HS3ST4: variants seen among roughly 807,000 people sequenced by gnomAD.
HS3ST4 encodes the protein heparan sulfate-glucosamine 3-sulfotransferase 4, also known as heparan sulfate glucosamine 3-O-sulfotransferase 4.
HS3ST4 carries 17 observed loss-of-function variants against 29.2 expected under a neutral mutation model. The observed-to-expected ratio is 0.58, with a 90% confidence interval of 0.40 to 0.87. The LOEUF (loss-of-function observed/expected upper bound fraction) is 0.87. HS3ST4 is among the 40% of genes least tolerant of loss of function. The pLI, the probability that HS3ST4 is intolerant of heterozygous loss-of-function variation, is 0.00. For missense variants in HS3ST4, 627 were observed against 634.5 expected (o/e 0.99, Z 0.13); for synonymous variants, 314 against 285.7 (o/e 1.10, Z -1.00).
At chr16:25,911,608 G>A (rs1596611564) in intron 1 of HS3ST4, among the ~76,000 whole-genome samples, 1 of 144,784 alleles carries the variant, frequency 6.9e-6, no homozygotes, top group Non-Finnish European at 1.5e-5. Flanking sequence ...CTGGGCTCAA[G>A]TGATCCTCCT....
intron 1 of HS3ST4, among the ~76,000 whole-genome samples, chr16:26,102,673 G>A (rs958137138): frequency 3.9e-5 from 6 of 152,140 alleles, no homozygotes; most frequent in South Asian, 2.1e-4. Flanking sequence ...ATAATGTTAC[G>A]TGATTTACTT....
intron 1 of HS3ST4, among the ~76,000 whole-genome samples, chr16:25,992,988 G>A (rs1048459072): frequency 3.5e-4 from 54 of 152,182 alleles, no homozygotes; most frequent in African/African-American, 1.1e-3. Context: ...CTTAGGCAGG[G>A]TCTCTGCTTC....
chr16:25,965,713 C>A (rs1452402936), intron 1 of HS3ST4, among the ~76,000 whole-genome samples: 3 of 152,206 alleles, frequency 2.0e-5, no homozygotes, highest in Admixed American at 2.0e-4. Context: ...GTTCACCTAT[C>A]TGTACTGAGT....
chr16:25,925,231 G>A (rs1321199725), intron 1 of HS3ST4, among the ~76,000 whole-genome samples: 2 of 151,218 alleles, frequency 1.3e-5, no homozygotes, highest in Non-Finnish European at 2.9e-5. Context: ...TCTGTAAAGA[G>A]CTCCTCTGAT....
intron 1 of HS3ST4, among the ~76,000 whole-genome samples, chr16:26,084,204 T>A (rs1898758145): frequency 6.6e-6 from 1 of 152,106 alleles, no homozygotes; most frequent in South Asian, 2.1e-4. Context: ...TGTCTATGAG[T>A]GGTTATTACA....
intron 1 of HS3ST4, among the ~76,000 whole-genome samples, chr16:25,815,523 C>T (rs1432112960): frequency 1.3e-5 from 2 of 152,098 alleles, no homozygotes; most frequent in African/African-American, 4.8e-5. Context: ...GGGATTTCAC[C>T]TTGTTGGCCA....
At chr16:26,015,820 A>T (rs1401021164) in intron 1 of HS3ST4, among the ~76,000 whole-genome samples, 1 of 152,200 alleles carries the variant, frequency 6.6e-6, no homozygotes, top group Non-Finnish European at 1.5e-5. Flanking sequence ...CTTACTTCAC[A>T]AGATGTCTTT....
At chr16:25,852,843 A>G (rs1330835267) in intron 1 of HS3ST4, among the ~76,000 whole-genome samples, 11 of 152,198 alleles carry the variant, frequency 7.2e-5, no homozygotes, top group Non-Finnish European at 1.6e-4. Context: ...TTGAATTTTT[A>G]ACGTTGAAGT....
intron 1 of HS3ST4, among the ~76,000 whole-genome samples, chr16:25,881,260 G>C (rs1186284092): frequency 1.3e-5 from 2 of 151,926 alleles, no homozygotes; most frequent in Non-Finnish European, 2.9e-5. Context: ...GCTTCCTTTT[G>C]GTTTTTGGTC....
At chr16:25,969,086 G>A (rs1468283497) in intron 1 of HS3ST4, among the ~76,000 whole-genome samples, 2 of 152,172 alleles carry the variant, frequency 1.3e-5, no homozygotes, top group African/African-American at 2.4e-5. Flanking sequence ...CCAAAGTGCT[G>A]GGATTACAGG....
intron 1 of HS3ST4, among the ~76,000 whole-genome samples, chr16:26,113,470 A>ATGGGTGTG (rs1899161422): frequency 7.6e-6 from 1 of 132,158 alleles, no homozygotes; most frequent in Non-Finnish European, 1.6e-5. Context: ...ACAATATATG[A>ATGGGTGTG]TGTGTGTGTG....
At chr16:25,908,529 A>G (rs1013958951) in intron 1 of HS3ST4, among the ~76,000 whole-genome samples, 32 of 152,116 alleles carry the variant, frequency 2.1e-4, no homozygotes, top group African/African-American at 7.7e-4. Context: ...ATCTCACCCT[A>G]AAGGTGAGGT....
intron 1 of HS3ST4, among the ~76,000 whole-genome samples, chr16:25,892,168 A>G (rs1318878458): frequency 6.6e-6 from 1 of 152,174 alleles, no homozygotes; most frequent in Non-Finnish European, 1.5e-5. Flanking sequence ...TCTGACCTCA[A>G]AAGAATGTGA....
intron 1 of HS3ST4, among the ~76,000 whole-genome samples, chr16:25,879,085 C>CT (rs1967866125): frequency 6.6e-6 from 1 of 152,192 alleles, no homozygotes; most frequent in South Asian, 2.1e-4. Flanking sequence ...AGGGTTAACT[C>CT]TAACACACTG....
intron 1 of HS3ST4, among the ~76,000 whole-genome samples, chr16:26,123,678 T>C (rs1899305376): frequency 6.6e-6 from 1 of 152,088 alleles, no homozygotes. Context: ...GTCCAAGCCT[T>C]CCCCCAAAGT....
intron 1 of HS3ST4, among the ~76,000 whole-genome samples, chr16:25,819,011 G>A (rs1386015331): frequency 1.3e-5 from 2 of 152,116 alleles, no homozygotes; most frequent in South Asian, 2.1e-4. Flanking sequence ...ATTCTACAGG[G>A]CCTGCATGGA....
chr16:25,775,777 C>G (rs900515906), intron 1 of HS3ST4, among the ~76,000 whole-genome samples: 1 of 152,222 alleles, frequency 6.6e-6, no homozygotes, highest in African/African-American at 2.4e-5. Context: ...GCCTTCTCTT[C>G]TGTCCCTTTC....
chr16:25,922,657 G>T (rs4539603), intron 1 of HS3ST4, among the ~76,000 whole-genome samples: 1 of 152,200 alleles, frequency 6.6e-6, no homozygotes, highest in Admixed American at 6.5e-5. Context: ...CCTGAGTATC[G>T]TTGCCCTTGC....
chr16:26,135,842 G>A lies in HS3ST4; in HGVS notation c.965G>A (p.Gly322Glu), dbSNP rs751193517. Residue 322 changes from glycine to glutamate, a missense_variant, in exon 2 of 2, where the codon GGG becomes GAG. This residue lies in a region of HS3ST4 where 225 missense variants were observed against 293.7 expected (regional missense o/e 0.77). Coordinates refer to ENST00000331351, the MANE Select transcript of HS3ST4 (RefSeq NM_006040.3). ...EVLAFKNRTL[G>E]LIDASWSAIR... is the part of the protein sequence containing the mutation. ...CTGGCCTTCAAAAACCGGACCCTCG[G>A]GCTGATCGATGCTTCCTGGAGTGCC... The A allele has an allele frequency of 6.2e-7, 1 of 1,613,958 alleles. No homozygotes were observed. The highest frequency in any genetic ancestry group is 1.1e-5 in the South Asian group (1 of 91,074).
Sources: allele counts gnomAD v4.1 joint callset (sites outside exome capture counted in the v4.1 genomes callset), GRCh38; gene constraint gnomAD v4.1.1; regional missense constraint gnomAD v4.1.1; transcripts MANE v1.5; gene names NCBI Gene and HGNC (gene_info 2026-07-23, HGNC 2026-07-21).